The following C6 variants were observed in gnomAD, a reference collection of about 807,000 sequenced individuals.
C6 encodes the protein complement C6.
In C6, 101 loss-of-function variants were observed where a neutral mutation model predicts 112.9. The ratio of observed to expected loss-of-function variants is 0.89; its 90% CI spans 0.76 to 1.06. The LOEUF is 1.06. Among genes scored for constraint, C6 ranks in the 50% least tolerant of loss-of-function variants. The pLI is 0.00. For missense variants in C6, 1,202 were observed against 1,104.6 expected (o/e 1.09, Z -1.25); for synonymous variants, 431 against 384.1 (o/e 1.12, Z -1.43).
In C6 at chr5:41,161,770, T is replaced by G; in HGVS notation, c.1381A>C (p.Ser461Arg). 6.2e-7 allele frequency: 1 copy of G among 1,613,618 alleles called. No individual in the cohort carries two copies. Among genetic ancestry groups the G allele is most frequent in the Non-Finnish European group, 8.5e-7 (1 of 1,179,632 alleles). ...YGAALAWEKGSSGLEEKTFSE... is the reference protein window; with the variant it reads ...YGAALAWEKGRSGLEEKTFSE... Reference sequence around the variant, plus strand: ...AATGTCTTCTCCTCCAGACCAGAGCTCCCTTTCTCCCATGCCAAAGCTGCT... The same window carrying G: ...AATGTCTTCTCCTCCAGACCAGAGCGCCCTTTCTCCCATGCCAAAGCTGCT... The change falls in exon 10 of 18, where the codon AGC becomes CGC. Residue 461 changes from serine (S) to arginine (R), a missense_variant. Transcript: ENST00000337836.
chr5:41,157,239 G>A (rs1022174104), intron 13 of C6, among the ~76,000 whole-genome samples: 1 of 152,278 alleles, frequency 6.6e-6, no homozygotes, highest in African/African-American at 2.4e-5. Flanking sequence ...CTAACCTTAC[G>A]AAATGAGTTA....
intron 5 of C6, among the ~76,000 whole-genome samples, chr5:41,193,395 T>C (rs1249621168): frequency 1.2e-4 from 19 of 152,260 alleles, no homozygotes; most frequent in Admixed American, 1.2e-3. Context: ...TGATACTGAC[T>C]TAAAATAATT....
Position 41,153,856 on chromosome 5 carries a change from C to A in C6, c.2244G>T (p.Gly748=). 1 of 1,613,522 alleles carries A rather than the reference C, an allele frequency of 6.2e-7. No homozygotes were observed. Among genetic ancestry groups the A allele is most frequent in the Non-Finnish European group, 8.5e-7 (1 of 1,179,730 alleles). ...VAGPSRYTCQ[G]NSWTPPISNS... is the part of the protein sequence containing the mutation. ...TTGAAATGGGTGGTGTCCAGGAATTCCCCTGGCATGTGTACCTTGATGGCC... is the reference window on the plus strand; with the variant it reads ...TTGAAATGGGTGGTGTCCAGGAATTACCCTGGCATGTGTACCTTGATGGCC... Residue 748 remains glycine, a synonymous_variant, in exon 15 of 18, where the codon GGG becomes GGT. Transcript: ENST00000337836.
chr5:41,201,757 C>T (rs1323510504), intron 2 of C6, 43 bp from the exon 3 acceptor site: 2 of 1,489,458 alleles, frequency 1.3e-6, no homozygotes, highest in Non-Finnish European at 1.9e-6. Flanking sequence ...AGTGTATTCA[C>T]CATATATCCT....
At chr5:41,236,925 A>T (rs1373601612) in intron 1 of C6, among the ~76,000 whole-genome samples, 1 of 150,404 alleles carries the variant, frequency 6.6e-6, no homozygotes, top group South Asian at 2.1e-4. Flanking sequence ...AATACAAACT[A>T]CCATCAGAGA....
Position 41,195,810 on chromosome 5 carries a change from A to C in C6, c.569T>G (p.Val190Gly). ...CTRKYNPIPSVQLMGNGFHFL... is the reference protein window; with the variant it reads ...CTRKYNPIPSGQLMGNGFHFL... ...TACATACCCATTGCCCATCAACTGTACACTAGGGATGGGATTATACTTCCG... is the reference window on the plus strand; with the variant it reads ...TACATACCCATTGCCCATCAACTGTCCACTAGGGATGGGATTATACTTCCG... Residue 190 changes from valine to glycine, a missense_variant, in exon 5 of 18, where the codon GTA becomes GGA. Val to Gly is a moderately radical substitution (Grantham distance 109, BLOSUM62 -3). Coordinates refer to ENST00000337836, the MANE Select transcript of C6 (RefSeq NM_000065.5). 1 of 1,613,822 alleles carries C rather than the reference A, an allele frequency of 6.2e-7. No individual in the cohort carries two copies. The highest frequency in any genetic ancestry group is 8.5e-7 in the Non-Finnish European group (1 of 1,179,842).
chr5:41,253,437 T>C (rs1041316674), intron 1 of C6, among the ~76,000 whole-genome samples: 3 of 152,198 alleles, frequency 2.0e-5, no homozygotes, highest in African/African-American at 7.2e-5. Flanking sequence ...GAACTCTAGT[T>C]GGCTGTACAT....
intron 9 of C6, among the ~76,000 whole-genome samples, chr5:41,162,528 C>G (rs1010615209): frequency 1.3e-5 from 2 of 152,194 alleles, no homozygotes; most frequent in Non-Finnish European, 1.5e-5. Flanking sequence ...TAGCACAACT[C>G]TTTTATACAA....
At chr5:41,259,427 G>T (rs934728998) in intron 1 of C6, among the ~76,000 whole-genome samples, 2 of 149,042 alleles carry the variant, frequency 1.3e-5, no homozygotes, top group Non-Finnish European at 3.0e-5. Flanking sequence ...CTTGACAAAT[G>T]TTAATTTCAA....
chr5:41,177,985 G>T (rs556500985), intron 7 of C6, among the ~76,000 whole-genome samples: 1 of 152,122 alleles, frequency 6.6e-6, no homozygotes, highest in African/African-American at 2.4e-5. Flanking sequence ...TATCTGAACT[G>T]CCCTTTCTGG....
chr5:41,172,752 C>CG, intron 8 of C6: 1 of 285,038 alleles, frequency 3.5e-6, no homozygotes, highest in South Asian at 3.9e-5. Context: ...AAGATTATGA[C>CG]GTGCTCTGAT....
intron 1 of C6, among the ~76,000 whole-genome samples, chr5:41,229,185 T>A (rs1739718474): frequency 6.6e-6 from 1 of 152,112 alleles, no homozygotes; most frequent in Admixed American, 6.5e-5. Context: ...ATTTCATTTA[T>A]TTCTCCTCTG....
At chr5:41,260,516 T>A (rs1741987679) in intron 1 of C6, among the ~76,000 whole-genome samples, 1 of 149,230 alleles carries the variant, frequency 6.7e-6, no homozygotes, top group African/African-American at 2.5e-5. Flanking sequence ...ATGCTTGTAA[T>A]CCCAGCACTT....
chr5:41,254,898 C>T (rs957113679), intron 1 of C6, among the ~76,000 whole-genome samples: 4 of 151,716 alleles, frequency 2.6e-5, no homozygotes, highest in Non-Finnish European at 5.9e-5. Context: ...GATAATTTTG[C>T]AAATGAGTAG....
At chr5:41,204,111 C>CA (rs1475290775) in intron 1 of C6, among the ~76,000 whole-genome samples, 1 of 152,154 alleles carries the variant, frequency 6.6e-6, no homozygotes, top group Non-Finnish European at 1.5e-5. Flanking sequence ...ATGAAACATG[C>CA]AACATTATTA....
At chr5:41,151,582 C>T (rs1746396930) in intron 15 of C6, among the ~76,000 whole-genome samples, 1 of 152,066 alleles carries the variant, frequency 6.6e-6, no homozygotes, top group Non-Finnish European at 1.5e-5. Context: ...GAAGTCTGTG[C>T]TAAAGATTTA....
Position 41,150,115 on chromosome 5 carries a change from G to T in C6, c.2291-90C>A, listed in dbSNP as rs955455855. 40 of 843,864 alleles carry T rather than the reference G, an allele frequency of 4.7e-5. No homozygotes were observed. In the Admixed American group the frequency reaches 6.6e-4, roughly 14 times the overall value. 52.3% of individuals were successfully genotyped at this position (843,864 alleles called of 1,614,324 possible). A position where few individuals can be genotyped will look rare whatever the true frequency, so the allele number is the denominator to read the frequency against. On this transcript the variant is annotated intron_variant, in intron 15 of 17. Transcript: ENST00000337836. ...ATTCAGAGAAGAGGCAGTGGTAAAG[G>T]ATTCATATTTATCTCTTGGAGTTAG...
At chr5:41,196,862 C>A (rs1226800220) in intron 4 of C6, among the ~76,000 whole-genome samples, 2 of 151,990 alleles carry the variant, frequency 1.3e-5, no homozygotes, top group Non-Finnish European at 2.9e-5. Context: ...TCCTTGGAAT[C>A]AGTATATAAC....
At chr5:41,221,821 G>A (rs1739183169) in intron 1 of C6, among the ~76,000 whole-genome samples, 1 of 152,090 alleles carries the variant, frequency 6.6e-6, no homozygotes, top group African/African-American at 2.4e-5. Context: ...ATGAATATCT[G>A]GCAGCTAGTT....
Sources: allele counts gnomAD v4.1 joint callset (sites outside exome capture counted in the v4.1 genomes callset), GRCh38; gene constraint gnomAD v4.1.1; transcripts MANE v1.5; gene names NCBI Gene and HGNC (gene_info 2026-07-23, HGNC 2026-07-21).